CYP4F11: variants seen among roughly 807,000 people sequenced by gnomAD.
CYP4F11 encodes cytochrome P450 4F11.
CYP4F11 carries 79 observed loss-of-function variants against 62.2 expected under a neutral mutation model. The observed-to-expected ratio is 1.27, with a 90% CI of 1.06 to 1.53. The LOEUF (loss-of-function observed/expected upper bound fraction) is 1.53. Among genes scored for constraint, CYP4F11 ranks in the 40% most tolerant of loss-of-function variants. The pLI, the probability that CYP4F11 is intolerant of heterozygous loss-of-function variation, is 0.00. For missense variants in CYP4F11, 777 were observed against 680.5 expected (o/e 1.14, Z -1.58); for synonymous variants, 290 against 263.7 (o/e 1.10, Z -0.97).
In CYP4F11 at chr19:15,934,308, ACG is replaced by A; in HGVS notation, c.99_100del (p.Val34ProfsTer9). On this transcript the variant is annotated frameshift_variant, in exon 1 of 12. Transcript: ENST00000402119. LOFTEE classifies it high-confidence loss of function. The stretch of plus-strand genomic sequence containing the variant: ...ATAGAAGGTGTAGGTCCAGGCCAGG[ACG>A]CGGGCCAGGAGCCAGGAGCCTCCAA... The A allele has an allele frequency of 6.2e-7, 1 of 1,613,544 alleles. No individual in the cohort carries two copies. The highest frequency in any genetic ancestry group is 2.2e-5 in the East Asian group (1 of 44,850).
Position 15,913,922 on chromosome 19 carries a change from G to T in CYP4F11, c.1398-13C>A, listed in dbSNP as rs1221832618. 6.2e-7 allele frequency: 1 copy of T among 1,605,316 alleles called. No homozygotes were observed. The highest frequency in any genetic ancestry group is 8.5e-7 in the Non-Finnish European group (1 of 1,175,888). On this transcript the variant is annotated splice_polypyrimidine_tract_variant and intron_variant, in intron 11 of 11. Coordinates refer to ENST00000402119, the MANE Select transcript of CYP4F11 (RefSeq NM_021187.4). ...CCCGATGCAGTTTCTGGGGGCAAAA[G>T]TGAGGGAATCTGACTGTGCCCATGA...
intron 6 of CYP4F11, 80 bp from the exon 7 acceptor site, chr19:15,922,510 C>T: frequency 6.8e-7 from 1 of 1,463,210 alleles, no homozygotes; most frequent in Non-Finnish European, 9.6e-7. Flanking sequence ...AAGATAATTT[C>T]TGAAGATCCA....
chr19:15,931,504 G>C (rs2089715676), intron 1 of CYP4F11, among the ~76,000 whole-genome samples: 1 of 151,724 alleles, frequency 6.6e-6, no homozygotes, highest in Non-Finnish European at 1.5e-5. Flanking sequence ...AGGGAGGTGA[G>C]AAAGACTTGG....
chr19:15,920,602 C>T (rs764400797), intron 8 of CYP4F11, among the ~76,000 whole-genome samples: 5 of 152,156 alleles, frequency 3.3e-5, no homozygotes, highest in Non-Finnish European at 5.9e-5. Flanking sequence ...CTTCAAAAGG[C>T]CTGTCCAGCT....
chr19:15,924,764 T>A lies in CYP4F11; in HGVS notation c.644A>T (p.Gln215Leu), dbSNP rs749288757. The stretch of plus-strand genomic sequence containing the variant: ...CAGGTCCTAGGAAAGGACTCACTCC[T>A]GACAATTGCTTTCAAAGCTGAAGAC... Reference protein sequence around the residue: ...KCVFSFESNCQEKPSEYIAAI... With the variant: ...KCVFSFESNCLEKPSEYIAAI... Residue 215 changes from glutamine (Q) to leucine (L), a missense_variant, in exon 5 of 12, where the codon CAG becomes CTG. By Grantham distance (113) the Gln-to-Leu change is moderately radical (BLOSUM62 -2). Transcript: ENST00000402119. 6.0e-5 allele frequency: 97 copies of A among 1,610,076 alleles called. 1 individual carries two copies. In the South Asian group the frequency reaches 1.0e-3, roughly 17 times the overall value.
At chr19:15,919,981 G>A (rs2089613298) in intron 8 of CYP4F11, among the ~76,000 whole-genome samples, 1 of 152,076 alleles carries the variant, frequency 6.6e-6, no homozygotes, top group Non-Finnish European at 1.5e-5. Context: ...TAGACGGGAG[G>A]AAAAAGTTTT....
intron 6 of CYP4F11, 32 bp from the exon 7 acceptor site, chr19:15,922,462 C>G: frequency 6.2e-7 from 1 of 1,603,948 alleles, no homozygotes; most frequent in Non-Finnish European, 8.5e-7. Flanking sequence ...ATCCCTGCCC[C>G]AAATCACACC....
Position 15,913,507 on chromosome 19 carries a change from G to T in CYP4F11, c.*225C>A. The T allele has an allele frequency of 3.5e-6, 2 of 576,564 alleles. No individual in the cohort carries two copies. The highest frequency in any genetic ancestry group is 3.1e-5 in the Admixed American group (1 of 32,610). The allele number at this position is 576,564 out of a possible 1,614,324, so 35.7% of individuals were successfully genotyped here. The stretch of plus-strand genomic sequence containing the variant: ...CCCACAGGATAAAGTTTTTACTTGG[G>T]CTCTGGGAGAACCCACTAAGGGCCT... On this transcript the variant is annotated 3_prime_UTR_variant, in exon 12 of 12. Transcript: ENST00000402119.
At chr19:15,915,092 T>A (rs1327079658) in intron 8 of CYP4F11, among the ~76,000 whole-genome samples, 197 bp from the exon 9 acceptor site, 1 of 152,216 alleles carries the variant, frequency 6.6e-6, no homozygotes, top group East Asian at 1.9e-4. Context: ...TGGTGCCGAT[T>A]TTTTAAAGAT....
intron 2 of CYP4F11, 70 bp from the exon 3 acceptor site, chr19:15,927,553 C>T: frequency 1.2e-6 from 2 of 1,600,958 alleles, no homozygotes; most frequent in Non-Finnish European, 1.7e-6. Context: ...TGGAGGAATG[C>T]TCCCAGCCAG....
At chr19:15,919,303 A>G in intron 8 of CYP4F11, among the ~76,000 whole-genome samples, 1 of 149,716 alleles carries the variant, frequency 6.7e-6, no homozygotes, top group Middle Eastern at 3.5e-3. Context: ...TATATAAATA[A>G]AATACATAGT....
chr19:15,915,559 G>A (rs1453481928), intron 8 of CYP4F11, among the ~76,000 whole-genome samples: 7 of 152,014 alleles, frequency 4.6e-5, no homozygotes, highest in Admixed American at 4.6e-4. Flanking sequence ...CTCCTCACAG[G>A]TTGCCTAAGT....
chr19:15,930,773 C>G (rs908463695), intron 1 of CYP4F11, among the ~76,000 whole-genome samples: 1 of 152,064 alleles, frequency 6.6e-6, no homozygotes, highest in Non-Finnish European at 1.5e-5. Flanking sequence ...AGGACATGTC[C>G]CTGAGGCTGG....
In CYP4F11 at chr19:15,929,461, G is replaced by T; in HGVS notation, c.339C>A (p.Ala113=). The stretch of plus-strand genomic sequence containing the variant: ...CCACAAGCTCTGCACGGGTACCTGA[G>T]GCACTGGTGATAGGCCGGATAATGT... ...HPDIIRPITS[A]SAAVAPKDMI... is the part of the protein sequence containing the mutation. Residue 113 remains alanine, a synonymous_variant, in exon 2 of 12, where the codon GCC becomes GCA. Transcript: ENST00000402119. 1 of 1,614,148 alleles carries T rather than the reference G, an allele frequency of 6.2e-7. No homozygotes were observed.
chr19:15,931,593 T>G (rs948923248), intron 1 of CYP4F11, among the ~76,000 whole-genome samples: 6 of 107,468 alleles, frequency 5.6e-5, no homozygotes, highest in Non-Finnish European at 9.5e-5. Context: ...AGGAGAGGAA[T>G]GAGTGAGTGA....
In CYP4F11 at chr19:15,912,789, A is replaced by ATGTATATATGTGTGTGTGT. The variant is rs10637763; in HGVS notation, c.*942_*943insACACACACACATATATACA. 1.0e-5 allele frequency: 1 copy of ATGTATATATGTGTGTGTGT among 95,816 alleles called. No homozygotes were observed. Among genetic ancestry groups the ATGTATATATGTGTGTGTGT allele is most frequent in the Admixed American group, 1.1e-4 (1 of 9,408 alleles). The allele number at this position is 95,816 out of a possible 1,614,324, so 5.9% of individuals were successfully genotyped here. On this transcript the variant is annotated 3_prime_UTR_variant, in exon 12 of 12. Coordinates refer to ENST00000402119, the MANE Select transcript of CYP4F11 (RefSeq NM_021187.4). ...TGTGTGTGTATATATATATATATAT[A>ATGTATATATGTGTGTGTGT]ATATATATATATATATACATATCTT...
Position 15,924,057 on chromosome 19 carries a change from T to A in CYP4F11, c.673A>T (p.Ile225Phe), listed in dbSNP as rs370816523. Residue 225 changes from isoleucine (I) to phenylalanine (F), a missense_variant, in exon 6 of 12, where the codon ATC (isoleucine) becomes TTC (phenylalanine). Coordinates refer to ENST00000402119, the MANE Select transcript of CYP4F11 (RefSeq NM_021187.4). ...QEKPSEYIAA[I>F]LELSAFVEKR... is the part of the protein sequence containing the mutation. ...TCTACAAAGGCACTGAGCTCCAAGATGGCGGCAATATATTCACTGGGCTTC... is the reference window on the plus strand; with the variant it reads ...TCTACAAAGGCACTGAGCTCCAAGAAGGCGGCAATATATTCACTGGGCTTC... 10 of 1,613,944 alleles carry A rather than the reference T, an allele frequency of 6.2e-6. No homozygotes were observed. Among genetic ancestry groups the A allele is most frequent in the African/African-American group, 2.7e-5 (2 of 74,912 alleles).
intron 8 of CYP4F11, among the ~76,000 whole-genome samples, chr19:15,916,960 GAC>G (rs1444231965): frequency 6.6e-6 from 1 of 152,160 alleles, no homozygotes; most frequent in Non-Finnish European, 1.5e-5. Flanking sequence ...ATATGAAAAA[GAC>G]ACATGCACAC....
chr19:15,914,775 G>T lies in CYP4F11; in HGVS notation c.1236C>A (p.Arg412=). ...CTQDFVLPDG[R]VIPKGIVCLI... The stretch of plus-strand genomic sequence containing the variant: ...GGCTGTGAGCACCTTTGGGGATGAC[G>T]CGGCCGTCTGGGAGCACAAAGTCCT... The change falls in exon 9 of 12, where the codon CGC becomes CGA. Residue 412 remains arginine (R), a synonymous_variant. Coordinates refer to ENST00000402119, the MANE Select transcript of CYP4F11 (RefSeq NM_021187.4). The T allele has an allele frequency of 6.2e-7, 1 of 1,614,188 alleles. No homozygotes were observed. Among genetic ancestry groups the T allele is most frequent in the Non-Finnish European group, 8.5e-7 (1 of 1,180,020 alleles).
Sources: allele counts gnomAD v4.1 joint callset (sites outside exome capture counted in the v4.1 genomes callset), GRCh38; gene constraint gnomAD v4.1.1; transcripts MANE v1.5; gene names NCBI Gene and HGNC (gene_info 2026-07-23, HGNC 2026-07-21).